KLHL1: variants seen among roughly 807,000 people sequenced by gnomAD.
The protein encoded by KLHL1 is kelch-like protein 1.
A neutral mutation model predicts 77.7 loss-of-function variants in KLHL1; 47 were observed. The observed-to-expected ratio is 0.60, with a 90% CI of 0.48 to 0.77. KLHL1 has a LOEUF of 0.77. Ranked by LOEUF, KLHL1 falls within the 30% of genes least tolerant of loss-of-function variation. KLHL1 has a pLI of 0.00. For synonymous variants in KLHL1, 360 were observed against 325.2 expected, an observed-to-expected ratio of 1.11 and a Z score of -1.15; for missense variants, 925 against 910.8, an observed-to-expected ratio of 1.02 and a Z score of -0.20.
At chr13:70,101,837 T>C (rs1887929371) in intron 1 of KLHL1, among the ~76,000 whole-genome samples, 1 of 151,986 alleles carries the variant, frequency 6.6e-6, no homozygotes, top group African/African-American at 2.4e-5. Flanking sequence ...GTAACGTTTA[T>C]AAATTCATCC....
rs1216543322 is a variant in KLHL1, at chr13:69,983,589, A to AAAAAAAG, written c.498-7788_498-7787insCTTTTTT. Among the ~76,000 whole-genome samples, 364 of 132,192 alleles carry AAAAAAAG rather than the reference A, an allele frequency of 2.8e-3. 6 individuals are homozygous for AAAAAAAG. Among genetic ancestry groups the AAAAAAAG allele is most frequent in the African/African-American group, 0.012 (335 of 26,878 alleles). 86.7% of individuals were successfully genotyped at this position (132,192 alleles called of 152,430 possible). On this transcript the variant is annotated intron_variant, in intron 1 of 10. Coordinates refer to ENST00000377844, the MANE Select transcript of KLHL1 (RefSeq NM_020866.3). ...ACCCTATCTTTACAAAAAAAAAAAA[A>AAAAAAAG]AAGAAGAAGAAGAAGAGAAAAAAAA... is the stretch of plus-strand genomic sequence containing the variant.
chr13:70,038,088 A>T (rs1886282294), intron 1 of KLHL1, among the ~76,000 whole-genome samples: 1 of 152,142 alleles, frequency 6.6e-6, no homozygotes, highest in South Asian at 2.1e-4. Flanking sequence ...ACCTTTGACA[A>T]ACACTAACTT....
intron 7 of KLHL1, among the ~76,000 whole-genome samples, chr13:69,747,599 A>C (rs1160850838): frequency 6.6e-6 from 1 of 152,044 alleles, no homozygotes; most frequent in East Asian, 1.9e-4. Flanking sequence ...AAGGAAATTC[A>C]TGAAAGAGAA....
At chr13:69,783,177 C>CATCACCATT (rs1160681966) in intron 7 of KLHL1, among the ~76,000 whole-genome samples, 1 of 152,082 alleles carries the variant, frequency 6.6e-6, no homozygotes, top group Non-Finnish European at 1.5e-5. Flanking sequence ...CCCTTCTGTA[C>CATCACCATT]ATCACCATTA....
At chr13:70,030,144 G>A (rs889922606) in intron 1 of KLHL1, among the ~76,000 whole-genome samples, 2 of 152,006 alleles carry the variant, frequency 1.3e-5, no homozygotes, top group Non-Finnish European at 2.9e-5. Context: ...CAATAATAAT[G>A]GGAGACTTTA....
At chr13:69,730,211 C>A (rs1245782487) in intron 8 of KLHL1, among the ~76,000 whole-genome samples, 1 of 151,462 alleles carries the variant, frequency 6.6e-6, no homozygotes, top group Non-Finnish European at 1.5e-5. Context: ...GGTCACAGAG[C>A]TATAATGCAA....
chr13:70,073,102 C>A (rs1310779681), intron 1 of KLHL1, among the ~76,000 whole-genome samples: 1 of 152,140 alleles, frequency 6.6e-6, no homozygotes, highest in African/African-American at 2.4e-5. Flanking sequence ...TATAAAGACA[C>A]ATGCACATGT....
intron 6 of KLHL1, among the ~76,000 whole-genome samples, chr13:69,820,864 A>G (rs1019201069): frequency 6.6e-6 from 1 of 152,228 alleles, no homozygotes; most frequent in Non-Finnish European, 1.5e-5. Flanking sequence ...TTGGCACTAG[A>G]CATTTCCAAG....
chr13:70,007,703 A>G (rs1198436756), intron 1 of KLHL1, among the ~76,000 whole-genome samples: 3 of 152,174 alleles, frequency 2.0e-5, no homozygotes, highest in Admixed American at 1.3e-4. Context: ...CAACTTTCCT[A>G]GTACTGTATT....
intron 1 of KLHL1, among the ~76,000 whole-genome samples, chr13:70,044,060 T>C (rs1020670339): frequency 6.6e-6 from 1 of 152,164 alleles, no homozygotes; most frequent in Non-Finnish European, 1.5e-5. Flanking sequence ...TTCAATGGTT[T>C]CCCATGGTAC....
Position 69,720,980 on chromosome 13 carries a change from C to G in KLHL1, c.1803-1399G>C, listed in dbSNP as rs566668403. 3.3e-5 allele frequency among the ~76,000 whole-genome samples: 4 copies of G among 122,078 alleles called. No individual in the cohort carries two copies. The South Asian group carries it at 1.3e-3, about 40-fold the overall frequency. 80.1% of individuals were successfully genotyped at this position (122,078 alleles called of 152,430 possible). A position where few individuals can be genotyped will look rare whatever the true frequency, so the allele number is the denominator to read the frequency against. ...AATAAATCCTGGGACTCCCAAATCA[C>G]TAAAGCCAAAGGGAAGTCAAGCTGG... On this transcript the variant is annotated intron_variant, in intron 8 of 10. Coordinates refer to ENST00000377844, the MANE Select transcript of KLHL1 (RefSeq NM_020866.3).
chr13:69,935,494 G>T (rs1237996273), intron 4 of KLHL1, among the ~76,000 whole-genome samples: 1 of 152,052 alleles, frequency 6.6e-6, no homozygotes, highest in Non-Finnish European at 1.5e-5. Flanking sequence ...AAATAAAAAA[G>T]GAGTGTAAGA....
At chr13:69,920,849 G>A (rs887715845) in intron 4 of KLHL1, among the ~76,000 whole-genome samples, 3 of 152,052 alleles carry the variant, frequency 2.0e-5, no homozygotes, top group African/African-American at 7.2e-5. Context: ...ATTCTCCTCT[G>A]TATGCACTCA....
chr13:69,719,352 T>G lies in KLHL1; in HGVS notation c.2015+17A>C. ...TGCACTGTCTCTTTCGCTGTAACAG[T>G]GTCCTTGGGGTCTTACCTTTCTACA... On this transcript the variant is annotated intron_variant, in intron 9 of 10. Coordinates refer to ENST00000377844, the MANE Select transcript of KLHL1 (RefSeq NM_020866.3). 6.2e-7 allele frequency: 1 copy of G among 1,607,270 alleles called. No homozygotes were observed. Among genetic ancestry groups the G allele is most frequent in the Non-Finnish European group, 8.5e-7 (1 of 1,174,378 alleles).
chr13:70,011,644 T>A (rs1885536020), intron 1 of KLHL1, among the ~76,000 whole-genome samples: 1 of 152,140 alleles, frequency 6.6e-6, no homozygotes, highest in Admixed American at 6.5e-5. Flanking sequence ...CTGAAATTAG[T>A]TTTACAGATG....
rs115297558 is a variant in KLHL1 at position 69,830,369 on chromosome 13, A to G, written c.1414+8607T>C. Among the ~76,000 whole-genome samples the G allele has an allele frequency of 6.1e-3, 916 of 150,382 alleles. 75 individuals carry two copies. The highest frequency in any genetic ancestry group is 0.021 in the African/African-American group (828 of 40,202). The stretch of plus-strand genomic sequence containing the variant: ...AGGTAAAGAGGGACATTAAGTAATG[A>G]TAAAAGGACTTGTCCACCAGGAAAA... On this transcript the variant is annotated intron_variant, in intron 6 of 10. Transcript: ENST00000377844.
At chr13:69,997,885 G>T (rs1022134292) in intron 1 of KLHL1, among the ~76,000 whole-genome samples, 3 of 149,774 alleles carry the variant, frequency 2.0e-5, no homozygotes, top group Non-Finnish European at 4.4e-5. Flanking sequence ...TCCATATCTT[G>T]ACTGCTGAAA....
chr13:69,863,734 T>G (rs1880263247), intron 5 of KLHL1, among the ~76,000 whole-genome samples: 1 of 152,054 alleles, frequency 6.6e-6, no homozygotes, highest in African/African-American at 2.4e-5. Context: ...AAAAAACAGA[T>G]TCAGTTGTTC....
chr13:69,785,264 T>G (rs1309710546), intron 7 of KLHL1, among the ~76,000 whole-genome samples: 1 of 151,972 alleles, frequency 6.6e-6, no homozygotes, highest in Non-Finnish European at 1.5e-5. Context: ...AGTAAAGCAC[T>G]CCTCATCAAA....
Sources: allele counts gnomAD v4.1 joint callset (sites outside exome capture counted in the v4.1 genomes callset), GRCh38; gene constraint gnomAD v4.1.1; transcripts MANE v1.5; gene names NCBI Gene and HGNC (gene_info 2026-07-23, HGNC 2026-07-21).